The following MUC5AC variants were observed in gnomAD, a reference collection of about 807,000 sequenced individuals.
MUC5AC encodes the protein mucin 5AC, oligomeric mucus/gel-forming, also known as mucin-5AC.
Under a neutral mutation model 169.7 loss-of-function variants are expected in MUC5AC, and 158 were observed. That is an observed-to-expected ratio of 0.93 (90% CI 0.82 to 1.06). The LOEUF (loss-of-function observed/expected upper bound fraction) is 1.06, where lower values mean the gene tolerates loss of function less well. Among genes scored for constraint, MUC5AC ranks in the 50% least tolerant of loss-of-function variants. MUC5AC has a pLI of 0.00. For missense variants in MUC5AC, 4,359 were observed against 3,089.9 expected, an observed-to-expected ratio of 1.41 and a Z score of -9.74; for synonymous variants, 1,975 against 1,237.0, an observed-to-expected ratio of 1.60 and a Z score of -12.52.
At position 1,165,357 on chromosome 11, in the gene MUC5AC, C is replaced by T. The variant is rs1433098652; in HGVS notation, c.1185C>T (p.Ala395=). Residue 395 remains alanine (A), a synonymous_variant, in exon 10 of 49, where the codon GCC becomes GCT. Transcript: ENST00000621226. ...QTGCVPVSKC[A]CVYNGAAYAP... ...GCTGTGTCCCTGTGTCAAAGTGTGC[C>T]TGCGTCTACAACGGGGCTGCCTATG... 6.2e-7 allele frequency: 1 copy of T among 1,612,476 alleles called. No individual in the cohort carries two copies. The highest frequency in any genetic ancestry group is 1.3e-5 in the African/African-American group (1 of 75,056).
chr11:1,186,896 C>A lies in MUC5AC; in HGVS notation c.8751C>A (p.Thr2917=). ...CCTCTGCCCCTACAACCAGCACAAC[C>A]TCTGCCCCTACAAGCAGCACAACCT... is the stretch of plus-strand genomic sequence containing the variant. The part of the protein sequence containing the change: ...STTSAPTTST[T]SAPTSSTTSA... The change falls in exon 31 of 49, where the codon ACC becomes ACA. Residue 2917 remains threonine (T), a synonymous_variant. Transcript: ENST00000621226. 1.4e-6 allele frequency: 1 copy of A among 725,246 alleles called. No homozygotes were observed. Among genetic ancestry groups the A allele is most frequent in the East Asian group, 2.6e-5 (1 of 38,922 alleles). The allele number at this position is 725,246 out of a possible 1,614,324, so 44.9% of individuals were successfully genotyped here.
chr11:1,161,508 C>A lies in MUC5AC; in HGVS notation c.152-19C>A. 6.3e-7 allele frequency: 1 copy of A among 1,578,978 alleles called. No individual in the cohort carries two copies. ...CACGTGGGGCCGTGCGTGAATCCTACCAGCCCCTGTCTCCGCAGGGGTCCC... is the reference window on the plus strand; with the variant it reads ...CACGTGGGGCCGTGCGTGAATCCTAACAGCCCCTGTCTCCGCAGGGGTCCC... On this transcript the variant is annotated intron_variant, in intron 2 of 48. Coordinates refer to ENST00000621226, the MANE Select transcript of MUC5AC (RefSeq NM_001304359.2).
chr11:1,175,278 C>T lies in MUC5AC; in HGVS notation c.2401+8C>T. Reference sequence around the variant, plus strand: ...GCCAAGCCCCCGCCCCAGGTGAGTGCCAGAAAGGAGGCACTGTGGCCCCCA... The same window carrying T: ...GCCAAGCCCCCGCCCCAGGTGAGTGTCAGAAAGGAGGCACTGTGGCCCCCA... On this transcript the variant is annotated splice_region_variant and intron_variant, in intron 19 of 48. Coordinates refer to ENST00000621226, the MANE Select transcript of MUC5AC (RefSeq NM_001304359.2). 1 of 398,648 alleles carries T rather than the reference C, an allele frequency of 2.5e-6. No individual in the cohort carries two copies. The highest frequency in any genetic ancestry group is 3.6e-5 in the East Asian group (1 of 28,070). The allele number at this position is 398,648 out of a possible 1,614,324, so 24.7% of individuals were successfully genotyped here.
At chr11:1,167,177 C>T (rs1860358524) in intron 11 of MUC5AC, among the ~76,000 whole-genome samples, 4 of 140,476 alleles carry the variant, frequency 2.8e-5, no homozygotes, top group African/African-American at 2.7e-5. Context: ...GCACCCAACA[C>T]ACAGTCTCTG....
Position 1,196,380 on chromosome 11 carries a change from C to T in MUC5AC, c.15638-8C>T. ...CACCCTCTCAGGTGTGGCTTCCCCTCCCCACAGCATTCACCTGCCCAGCCG... is the reference window on the plus strand; with the variant it reads ...CACCCTCTCAGGTGTGGCTTCCCCTTCCCACAGCATTCACCTGCCCAGCCG... On this transcript the variant is annotated splice_region_variant and splice_polypyrimidine_tract_variant and intron_variant, in intron 37 of 48. Transcript: ENST00000621226. 1.3e-6 allele frequency: 1 copy of T among 764,770 alleles called. No individual in the cohort carries two copies. The highest frequency in any genetic ancestry group is 1.3e-5 in the South Asian group (1 of 74,606). 47.4% of individuals were successfully genotyped at this position (764,770 alleles called of 1,614,324 possible). A position where few individuals can be genotyped will look rare whatever the true frequency, so the allele number is the denominator to read the frequency against.
In MUC5AC at chr11:1,191,530, C is replaced by A. The variant is rs1429996463; in HGVS notation, c.13385C>A (p.Thr4462Lys). ...ACAACCAGCACAATCTCTCTCCCTA[C>A]AACCAGCACAACCTCTGCTCCTATA... Reference protein sequence around the residue: ...ASTTSTISLPTTSTTSAPITS... With the variant: ...ASTTSTISLPKTSTTSAPITS... Residue 4462 changes from threonine to lysine, a missense_variant, in exon 31 of 49, where the codon ACA becomes AAA. Thr to Lys is a moderately conservative substitution (Grantham distance 78, BLOSUM62 -1). Transcript: ENST00000621226. 1 of 644,688 alleles carries A rather than the reference C, an allele frequency of 1.6e-6. No individual in the cohort carries two copies. The highest frequency in any genetic ancestry group is 2.8e-6 in the Non-Finnish European group (1 of 352,456). The allele number at this position is 644,688 out of a possible 1,614,324, so 39.9% of individuals were successfully genotyped here.
chr11:1,159,313 G>C (rs894139060), intron 1 of MUC5AC, among the ~76,000 whole-genome samples: 6 of 152,206 alleles, frequency 3.9e-5, no homozygotes, highest in African/African-American at 1.4e-4. Flanking sequence ...CCTCTCTGCA[G>C]GTCCTGGGCT....
intron 1 of MUC5AC, among the ~76,000 whole-genome samples, chr11:1,158,617 G>C (rs934633662): frequency 2.0e-5 from 3 of 152,340 alleles, no homozygotes; most frequent in Admixed American, 1.3e-4. Flanking sequence ...AGGGTGATGG[G>C]GGAGGCTCCA....
intron 2 of MUC5AC, 137 bp downstream of exon 2, chr11:1,160,826 A>T (rs1860121414): frequency 1.2e-6 from 1 of 824,140 alleles, no homozygotes; most frequent in Non-Finnish European, 1.9e-6. Flanking sequence ...GGGGGACAGG[A>T]GGACACCCCC....
Position 1,199,942 on chromosome 11 carries a change from G to A in MUC5AC, c.16673G>A (p.Arg5558Gln), listed in dbSNP as rs568269309. Residue 5558 changes from arginine to glutamine, a missense_variant, in exon 48 of 49, where the codon CGG becomes CAG. Physicochemically the swap from Arg to Gln is conservative, Grantham distance 43. Coordinates refer to ENST00000621226, the MANE Select transcript of MUC5AC (RefSeq NM_001304359.2). ...GAGCCCGTGCGCCTGGCTTACTGCC[G>A]GGGGAACTGTGGGGACAGCTCTTCC... ...SSEPVRLAYCRGNCGDSSSMY... is the reference protein window; with the variant it reads ...SSEPVRLAYCQGNCGDSSSMY... 3.0e-4 allele frequency: 231 copies of A among 763,514 alleles called. 2 individuals carry two copies. Among genetic ancestry groups the A allele is most frequent in the South Asian group, 2.7e-3 (204 of 74,282 alleles). The allele number at this position is 763,514 out of a possible 1,614,324, so 47.3% of individuals were successfully genotyped here.
At chr11:1,162,472 C>A in intron 4 of MUC5AC, 60 bp from the exon 5 acceptor site, 1 of 1,458,648 alleles carries the variant, frequency 6.9e-7, no homozygotes, top group Non-Finnish European at 9.5e-7. Flanking sequence ...CAGGCATCTG[C>A]CCTGCCTGGG....
chr11:1,188,116 A>C lies in MUC5AC; in HGVS notation c.9971A>C (p.Lys3324Thr). The C allele has an allele frequency of 4.1e-6, 3 of 733,704 alleles. No homozygotes were observed. The highest frequency in any genetic ancestry group is 7.5e-6 in the Non-Finnish European group (3 of 399,936). 45.4% of individuals were successfully genotyped at this position (733,704 alleles called of 1,614,324 possible). A position where few individuals can be genotyped will look rare whatever the true frequency, so the allele number is the denominator to read the frequency against. ...CGTGTGCTCTGCTGCGAGACCCCTA[A>C]AGGTTGCCCCGTGACCTCCACACCT... ...EVRVLCCETPKGCPVTSTPVT... is the reference protein window; with the variant it reads ...EVRVLCCETPTGCPVTSTPVT... The change falls in exon 31 of 49, where the codon AAA (lysine) becomes ACA (threonine). Residue 3324 changes from lysine (K) to threonine (T), a missense_variant. By Grantham distance (78) the Lys-to-Thr change is moderately conservative (BLOSUM62 -1). Coordinates refer to ENST00000621226, the MANE Select transcript of MUC5AC (RefSeq NM_001304359.2).
At position 1,161,701 on chromosome 11, in the gene MUC5AC, T is replaced by A; in HGVS notation, c.211+115T>A. The A allele has an allele frequency of 2.3e-6, 3 of 1,321,538 alleles. 1 individual carries two copies. The highest frequency in any genetic ancestry group is 3.1e-6 in the Non-Finnish European group (3 of 976,220). The allele number at this position is 1,321,538 out of a possible 1,614,324, so 81.9% of individuals were successfully genotyped here. A position where few individuals can be genotyped will look rare whatever the true frequency, so the allele number is the denominator to read the frequency against. ...CCCAGCTTTCCGGGTGAACACTGGG[T>A]GGGTATTGGAGCCAGAGGGCCCAGC... On this transcript the variant is annotated intron_variant, in intron 3 of 48. Coordinates refer to ENST00000621226, the MANE Select transcript of MUC5AC (RefSeq NM_001304359.2).
chr11:1,165,449 AG>A, intron 10 of MUC5AC, 30 bp downstream of exon 10: 1 of 1,489,514 alleles, frequency 6.7e-7, no homozygotes, highest in Non-Finnish European at 9.2e-7. Context: ...CAGGCCACCA[AG>A]GATGTGCTAT....
intron 31 of MUC5AC, 85 bp downstream of exon 31, chr11:1,192,610 G>A: frequency 1.4e-6 from 1 of 720,220 alleles, no homozygotes; most frequent in South Asian, 1.5e-5. Flanking sequence ...GATGATGATA[G>A]GAGTCTCTGC....
rs1326597511 is a variant in MUC5AC at position 1,186,763 on chromosome 11, C to A, written c.8618C>A (p.Thr2873Lys). The A allele has an allele frequency of 8.3e-4, 610 of 739,266 alleles. 5 individuals are homozygous for A. In the African/African-American group the frequency reaches 9.1e-3, roughly 11 times the overall value. 45.8% of individuals were successfully genotyped at this position (739,266 alleles called of 1,614,324 possible). ...ACAAGCAGCACAACCTCCACTGCTA[C>A]AACCAGCACAACCTCTGGCCCTGGA... Reference protein sequence around the residue: ...VPTSSTTSTATTSTTSGPGTT... With the variant: ...VPTSSTTSTAKTSTTSGPGTT... The change falls in exon 31 of 49, where the codon ACA (threonine) becomes AAA (lysine). Residue 2873 changes from threonine (T) to lysine (K), a missense_variant. By Grantham distance (78) the Thr-to-Lys change is moderately conservative. Coordinates refer to ENST00000621226, the MANE Select transcript of MUC5AC (RefSeq NM_001304359.2).
In MUC5AC at chr11:1,177,332, G is replaced by A. The variant is rs1013031448; in HGVS notation, c.2895G>A (p.Lys965=). 20 of 455,100 alleles carry A rather than the reference G, an allele frequency of 4.4e-5. No individual in the cohort carries two copies. The highest frequency in any genetic ancestry group is 7.8e-5 in the Non-Finnish European group (20 of 255,632). The allele number at this position is 455,100 out of a possible 1,614,324, so 28.2% of individuals were successfully genotyped here. A position where few individuals can be genotyped will look rare whatever the true frequency, so the allele number is the denominator to read the frequency against. ...TTGTTCSKAI[K]IFLGGFELKL... ...GGACCACCTGCTCCAAGGCCATCAA[G>A]ATTTTCCTGGGGGTGAGCGAGGCTG... Residue 965 remains lysine (K), a synonymous_variant, in exon 23 of 49, where the codon AAG becomes AAA. Coordinates refer to ENST00000621226, the MANE Select transcript of MUC5AC (RefSeq NM_001304359.2).
chr11:1,171,497 C>A (rs1445397146), intron 15 of MUC5AC, among the ~76,000 whole-genome samples: 2 of 60,506 alleles, frequency 3.3e-5, no homozygotes, highest in East Asian at 5.3e-4. Context: ...ACTCACTCAC[C>A]CATTCACCCA....
At position 1,190,574 on chromosome 11, in the gene MUC5AC, C is replaced by T. The variant is rs1417079253; in HGVS notation, c.12429C>T (p.His4143=). ...PTTSTTSAPT[H]RTTSGPTTST... ...CCAGCACGACCTCAGCTCCTACACA[C>T]AGAACGACTTCTGGTCCTACAACCA... Residue 4143 remains histidine (H), a synonymous_variant, in exon 31 of 49, where the codon CAC becomes CAT. Coordinates refer to ENST00000621226, the MANE Select transcript of MUC5AC (RefSeq NM_001304359.2). The T allele has an allele frequency of 4.6e-5, 32 of 696,578 alleles. No individual in the cohort carries two copies. The highest frequency in any genetic ancestry group is 7.1e-5 in the Non-Finnish European group (27 of 381,682). 43.1% of individuals were successfully genotyped at this position (696,578 alleles called of 1,614,324 possible).
Sources: allele counts gnomAD v4.1 joint callset (sites outside exome capture counted in the v4.1 genomes callset), GRCh38; gene constraint gnomAD v4.1.1; transcripts MANE v1.5; gene names NCBI Gene and HGNC (gene_info 2026-07-23, HGNC 2026-07-21).